Variants in NAALAD2 observed in about 807,000 individuals in gnomAD.
NAALAD2 encodes N-acetylated alpha-linked acidic dipeptidase 2, also known as N-acetylated-alpha-linked acidic dipeptidase 2.
A neutral mutation model predicts 95.6 loss-of-function variants in NAALAD2; 89 were observed. That is an observed-to-expected ratio of 0.93 (90% CI 0.78 to 1.11). The LOEUF is 1.11. Ranked by LOEUF, NAALAD2 falls within the 50% of genes least tolerant of loss-of-function variation. The probability of loss-of-function intolerance (pLI) is 0.00; values close to 1 mark genes in which losing one functional copy is unlikely to be tolerated. For synonymous variants in NAALAD2, 264 were observed against 294.4 expected, an observed-to-expected ratio of 0.90 and a Z score of 1.06; for missense variants, 894 against 872.4, an observed-to-expected ratio of 1.02 and a Z score of -0.31.
intron 2 of NAALAD2, among the ~76,000 whole-genome samples, chr11:90,146,343 A>ATTTTTT (rs71477596): frequency 2.1e-3 from 101 of 47,972 alleles, no homozygotes; most frequent in East Asian, 3.0e-3. Flanking sequence ...GGGGAGTTTA[A>ATTTTTT]TTTTTTTTTT....
chr11:90,181,136 T>G (rs1407231609), intron 16 of NAALAD2, among the ~76,000 whole-genome samples: 1 of 152,100 alleles, frequency 6.6e-6, no homozygotes, highest in Non-Finnish European at 1.5e-5. Context: ...TTTGACCAGA[T>G]CAAATCTGAT....
intron 16 of NAALAD2, among the ~76,000 whole-genome samples, chr11:90,178,375 A>G (rs1482209021): frequency 6.6e-6 from 1 of 152,204 alleles, no homozygotes; most frequent in African/African-American, 2.4e-5. Flanking sequence ...TATGGCCTTT[A>G]AAAACATTTT....
At position 90,175,080 on chromosome 11, in the gene NAALAD2, G is replaced by GA. The variant is rs549802865; in HGVS notation, c.1503-885dup. Among the ~76,000 whole-genome samples, 227 of 152,112 alleles carry GA rather than the reference G, an allele frequency of 1.5e-3. 1 individual carries two copies. Among genetic ancestry groups the GA allele is most frequent in the African/African-American group, 5.0e-3 (207 of 41,486 alleles). The stretch of plus-strand genomic sequence containing the variant: ...GCATATATGTAAATATTCATAGTTG[G>GA]AAAAAAATCTGAAGTCCAAAATATT... On this transcript the variant is annotated intron_variant, in intron 14 of 18. Transcript: ENST00000534061.
intron 18 of NAALAD2, among the ~76,000 whole-genome samples, chr11:90,191,179 A>G (rs995339118): frequency 6.6e-6 from 1 of 152,130 alleles, no homozygotes; most frequent in African/African-American, 2.4e-5. Context: ...TATTTTTAAA[A>G]GGCAACACAA....
At chr11:90,162,401 G>A (rs544459618) in intron 8 of NAALAD2, 2 of 152,142 alleles carry the variant, frequency 1.3e-5, no homozygotes, top group South Asian at 2.1e-4. Flanking sequence ...TTTAACAACA[G>A]AATTTTTTAT....
At chr11:90,165,710 A>G (rs527492179) in intron 11 of NAALAD2, among the ~76,000 whole-genome samples, 1 of 152,306 alleles carries the variant, frequency 6.6e-6, no homozygotes, top group South Asian at 2.1e-4. Context: ...GATGAATCAA[A>G]TTTTATTAGT....
upstream of NAALAD2, among the ~76,000 whole-genome samples, chr11:90,133,952 G>A (rs1417648005): frequency 6.6e-6 from 1 of 152,108 alleles, no homozygotes; most frequent in Non-Finnish European, 1.5e-5. Context: ...GAGAGGAGCT[G>A]GAAGAGAGGG....
At chr11:90,167,214 G>T in intron 11 of NAALAD2, among the ~76,000 whole-genome samples, 1 of 152,204 alleles carries the variant, frequency 6.6e-6, no homozygotes, top group African/African-American at 2.4e-5. Flanking sequence ...GGGAACCGGG[G>T]CTGCGCGGGC....
At chr11:90,136,789 G>A (rs2134816193) in intron 2 of NAALAD2, among the ~76,000 whole-genome samples, 1 of 152,224 alleles carries the variant, frequency 6.6e-6, no homozygotes, top group Non-Finnish European at 1.5e-5. Flanking sequence ...TGAAATGGTT[G>A]AGTTTGATGA....
intron 13 of NAALAD2, among the ~76,000 whole-genome samples, chr11:90,171,503 A>G (rs1277111020): frequency 6.6e-6 from 1 of 152,096 alleles, no homozygotes; most frequent in Non-Finnish European, 1.5e-5. Context: ...TGGAACAGGA[A>G]TTTATGATTT....
intron 1 of NAALAD2, chr11:90,135,114 GA>G (rs542991373): frequency 4.5e-5 from 18 of 397,710 alleles, no homozygotes; most frequent in Non-Finnish European, 4.9e-5. Context: ...CTGCAGGGAT[GA>G]AAAAAAATCG....
intron 13 of NAALAD2, 88 bp downstream of exon 13, chr11:90,170,224 T>A: frequency 1.2e-6 from 1 of 850,618 alleles, no homozygotes; most frequent in Non-Finnish European, 2.0e-6. Flanking sequence ...GGTACTTATT[T>A]TTAAGCTGGT....
chr11:90,190,498 G>A (rs1233719408), intron 18 of NAALAD2, among the ~76,000 whole-genome samples: 1 of 152,062 alleles, frequency 6.6e-6, no homozygotes, highest in African/African-American at 2.4e-5. Flanking sequence ...ATGATTCAAA[G>A]GTTATTCGCT....
chr11:90,182,810 A>G, intron 17 of NAALAD2, 106 bp from the exon 18 acceptor site: 2 of 742,778 alleles, frequency 2.7e-6, no homozygotes, highest in East Asian at 2.7e-5. Context: ...TTAAAAATTG[A>G]TCAATTTTAG....
upstream of NAALAD2, among the ~76,000 whole-genome samples, chr11:90,133,083 A>C (rs1316843257): frequency 2.0e-5 from 3 of 152,230 alleles, no homozygotes; most frequent in Non-Finnish European, 4.4e-5. Context: ...GACAAAAAAA[A>C]GTTATGTCCC....
intron 11 of NAALAD2, chr11:90,164,459 A>T (rs1421625631): frequency 6.6e-6 from 1 of 152,192 alleles, no homozygotes; most frequent in Admixed American, 6.5e-5. Context: ...TACTCTGTAC[A>T]AGCTGATTTC....
At chr11:90,180,573 C>T (rs1952933111) in intron 16 of NAALAD2, among the ~76,000 whole-genome samples, 1 of 151,748 alleles carries the variant, frequency 6.6e-6, no homozygotes, top group Non-Finnish European at 1.5e-5. Flanking sequence ...TAGGTGTGAC[C>T]TAATAGAAAT....
chr11:90,159,725 C>T (rs147942232), intron 8 of NAALAD2, among the ~76,000 whole-genome samples: 6,641 of 151,490 alleles, frequency 0.044, 181 homozygotes, highest in Middle Eastern at 0.11. Context: ...CTGAGGCGGG[C>T]GGATCACCTG....
chr11:90,163,127 T>C (rs1050264445), intron 9 of NAALAD2, 93 bp downstream of exon 9: 18 of 1,213,282 alleles, frequency 1.5e-5, no homozygotes, highest in Non-Finnish European at 2.1e-5. Context: ...GTGGGGTTTT[T>C]TGGCTGATTT....
Sources: gnomAD v4.1 joint callset for allele counts (sites outside exome capture counted in the v4.1 genomes callset) on GRCh38, gnomAD v4.1.1 for gene constraint, MANE v1.5 for transcripts, NCBI Gene and HGNC (gene_info 2026-07-23, HGNC 2026-07-21) for gene names.